The following SKI variants were observed in gnomAD, a reference collection of about 807,000 sequenced individuals.
SKI encodes ski oncogene.
SKI carries 23 observed loss-of-function variants against 59.3 expected under a neutral mutation model. That is an observed-to-expected ratio of 0.39 (90% CI 0.28 to 0.55). SKI has a LOEUF of 0.55. SKI is among the 20% of genes least tolerant of loss of function. SKI has a pLI of 0.67. For synonymous variants in SKI, 673 were observed against 488.6 expected (o/e 1.38, Z -4.98); for missense variants, 1,017 against 1,038.9 (o/e 0.98, Z 0.29).
chr1:2,296,204 C>A (rs1640280500), intron 1 of SKI, among the ~76,000 whole-genome samples: 2 of 151,382 alleles, frequency 1.3e-5, no homozygotes, highest in Middle Eastern at 3.4e-3. Context: ...CAAAGTGAAA[C>A]CTTGTCTCTA....
chr1:2,257,885 T>C (rs1208819420), intron 1 of SKI, among the ~76,000 whole-genome samples: 6 of 152,034 alleles, frequency 3.9e-5, no homozygotes, highest in East Asian at 1.9e-4. Flanking sequence ...ATTACAGGCA[T>C]GTGCCACCAT....
In SKI at chr1:2,284,748, G is replaced by T. The variant is rs150978053; in HGVS notation, c.970-18230G>T. Among the ~76,000 whole-genome samples, 4 of 152,328 alleles carry T rather than the reference G, an allele frequency of 2.6e-5. No homozygotes were observed. The East Asian group carries it at 7.7e-4, about 29-fold the overall frequency. ...AGGGCTCCAGGCAGGGAAGAGTCAG[G>T]GAGGGGTGGATGGCCGGCGTGGCTG... On this transcript the variant is annotated intron_variant, in intron 1 of 6. Transcript: ENST00000378536.
intron 1 of SKI, chr1:2,232,776 A>G (rs371845405): frequency 1.8e-4 from 28 of 152,438 alleles, no homozygotes; most frequent in African/African-American, 6.5e-4. Flanking sequence ...CGAGTTGCTT[A>G]ACCTCTCTGC....
chr1:2,235,711 G>A (rs947213290), intron 1 of SKI, among the ~76,000 whole-genome samples: 5 of 152,216 alleles, frequency 3.3e-5, no homozygotes, highest in African/African-American at 4.8e-5. Context: ...GCTTATTTAC[G>A]AAAATGAAGA....
At chr1:2,248,516 T>C (rs1639047277) in intron 1 of SKI, among the ~76,000 whole-genome samples, 1 of 152,214 alleles carries the variant, frequency 6.6e-6, no homozygotes, top group South Asian at 2.1e-4. Flanking sequence ...AATGCAACTG[T>C]GACGGTGCTG....
chr1:2,246,646 C>T (rs1639003256), intron 1 of SKI, among the ~76,000 whole-genome samples: 2 of 152,100 alleles, frequency 1.3e-5, no homozygotes, highest in South Asian at 2.1e-4. Flanking sequence ...GCGAGCTGGG[C>T]GGGGGCTCTG....
chr1:2,299,049 T>G (rs1640358861), intron 1 of SKI, among the ~76,000 whole-genome samples: 1 of 152,208 alleles, frequency 6.6e-6, no homozygotes, highest in Non-Finnish European at 1.5e-5. Context: ...GTGGTTGTTT[T>G]GTGTGGATTT....
chr1:2,231,080 C>T (rs894103505), intron 1 of SKI, among the ~76,000 whole-genome samples: 1 of 152,158 alleles, frequency 6.6e-6, no homozygotes, highest in African/African-American at 2.4e-5. Flanking sequence ...GGCAGAGCTG[C>T]AGACAGACGT....
At chr1:2,256,271 C>T (rs898980124) in intron 1 of SKI, among the ~76,000 whole-genome samples, 1 of 152,184 alleles carries the variant, frequency 6.6e-6, no homozygotes, top group African/African-American at 2.4e-5. Context: ...GTCTGGAGCT[C>T]TCTGTGTCCT....
chr1:2,283,405 G>A (rs1254523375), intron 1 of SKI, among the ~76,000 whole-genome samples: 2 of 152,214 alleles, frequency 1.3e-5, no homozygotes, highest in Non-Finnish European at 2.9e-5. Flanking sequence ...TGGGGGTGAG[G>A]AGGTGGCAAG....
chr1:2,270,443 C>A lies in SKI; in HGVS notation c.970-32535C>A, dbSNP rs1639592045. On this transcript the variant is annotated intron_variant, in intron 1 of 6. Transcript: ENST00000378536. This position sits in a 1 kb window ranked among gnomAD's most constrained non-coding sequence, Gnocchi z 4.1. ...AGGCCAGGGGGTGTGGCCACAGGGC[C>A]TGGGCTTTGTCCCGTTTACGAGAGG... is the stretch of plus-strand genomic sequence containing the variant. Among the ~76,000 whole-genome samples the A allele has an allele frequency of 6.6e-6, 1 of 152,208 alleles. No homozygotes were observed.
chr1:2,252,297 G>T (rs1639169752), intron 1 of SKI, among the ~76,000 whole-genome samples: 1 of 152,222 alleles, frequency 6.6e-6, no homozygotes, highest in Non-Finnish European at 1.5e-5. Flanking sequence ...CCCAAGACCA[G>T]GGTTTGCTGT....
rs528310141 is a variant in SKI at position 2,279,753 on chromosome 1, C to T, written c.970-23225C>T. Among the ~76,000 whole-genome samples the T allele has an allele frequency of 7.2e-5, 11 of 152,292 alleles. No homozygotes were observed. The South Asian group carries it at 1.7e-3, about 23-fold the overall frequency. ...TATTAGAGACAGGGTCTCACTCTGT[C>T]GCCCAGGCTGGAGTGCAGTCGTGTG... On this transcript the variant is annotated intron_variant, in intron 1 of 6. Coordinates refer to ENST00000378536, the MANE Select transcript of SKI (RefSeq NM_003036.4).
At chr1:2,275,477 A>G (rs575074092) in intron 1 of SKI, among the ~76,000 whole-genome samples, 1 of 150,968 alleles carries the variant, frequency 6.6e-6, no homozygotes, top group South Asian at 2.1e-4. Context: ...CTGGGGCAGG[A>G]TGAGGGGTGT....
chr1:2,236,553 C>G (rs12029145), intron 1 of SKI, among the ~76,000 whole-genome samples: 1 of 152,110 alleles, frequency 6.6e-6, no homozygotes, highest in Non-Finnish European at 1.5e-5. Context: ...ACTACAGGTG[C>G]GTGCCACCAC....
Position 2,278,593 on chromosome 1 carries a change from C to T in SKI, c.970-24385C>T, listed in dbSNP as rs533085928. 1.9e-4 allele frequency among the ~76,000 whole-genome samples: 29 copies of T among 152,194 alleles called. 2 individuals are homozygous for T. In the South Asian group the frequency reaches 5.2e-3, roughly 27 times the overall value. On this transcript the variant is annotated intron_variant, in intron 1 of 6. Coordinates refer to ENST00000378536, the MANE Select transcript of SKI (RefSeq NM_003036.4). ...CGGCAGATTCATTGTGTGGTGAGGG[C>T]TTCCCCAGACCCACCAACTCCTGTG...
At chr1:2,301,892 C>CTGG (rs1385523928) in intron 1 of SKI, among the ~76,000 whole-genome samples, 1 of 152,236 alleles carries the variant, frequency 6.6e-6, no homozygotes, top group Non-Finnish European at 1.5e-5. Flanking sequence ...TGGTGTAGAC[C>CTGG]TGGTGCCAGC....
intron 1 of SKI, among the ~76,000 whole-genome samples, chr1:2,259,931 G>T (rs1459938236): frequency 6.6e-6 from 1 of 152,260 alleles, no homozygotes; most frequent in Non-Finnish European, 1.5e-5. Flanking sequence ...AGCGTGTGGA[G>T]TGTTTCCAGT....
intron 1 of SKI, among the ~76,000 whole-genome samples, chr1:2,243,305 G>T (rs1053397437): frequency 3.3e-5 from 5 of 152,224 alleles, no homozygotes; most frequent in Non-Finnish European, 5.9e-5. Context: ...AGTGTGCTCC[G>T]CGTACCACCT....
Sources: allele counts gnomAD v4.1 joint callset (sites outside exome capture counted in the v4.1 genomes callset), GRCh38; gene constraint gnomAD v4.1.1; non-coding constraint Gnocchi (gnomAD v3.1); transcripts MANE v1.5; gene names NCBI Gene and HGNC (gene_info 2026-07-23, HGNC 2026-07-21).